Variants in ZNF805 observed in about 807,000 individuals in gnomAD.
ZNF805 encodes the protein zinc finger protein 805.
ZNF805 carries 7 observed loss-of-function variants against 13.6 expected under a neutral mutation model. The observed-to-expected ratio is 0.51, with a 90% CI of 0.29 to 0.97. The LOEUF is 0.97. ZNF805 is among the 50% of genes least tolerant of loss of function. The pLI, the probability that ZNF805 is intolerant of heterozygous loss-of-function variation, is 0.08. For synonymous variants in ZNF805, 293 were observed against 279.8 expected (o/e 1.05, Z -0.47); for missense variants, 604 against 771.0 (o/e 0.78, Z 2.57).
chr19:57,244,743 G>A (rs2087601876), intron 2 of ZNF805, among the ~76,000 whole-genome samples: 1 of 152,184 alleles, frequency 6.6e-6, no homozygotes, highest in African/African-American at 2.4e-5. Flanking sequence ...TGTCTACTCT[G>A]TATGGTTTTT....
At chr19:57,244,808 A>AC (rs2087602392) in intron 2 of ZNF805, among the ~76,000 whole-genome samples, 1 of 151,698 alleles carries the variant, frequency 6.6e-6, no homozygotes, top group African/African-American at 2.4e-5. Flanking sequence ...ACTGTTTGTG[A>AC]CCCCTCCTTC....
chr19:57,246,790 A>G (rs532160999), intron 2 of ZNF805, among the ~76,000 whole-genome samples: 104 of 152,060 alleles, frequency 6.8e-4, no homozygotes, highest in African/African-American at 2.1e-3. Flanking sequence ...AAAAAAAAAA[A>G]AAAGAAAAGC....
chr19:57,241,180 A>T (rs1474210324), intron 1 of ZNF805, among the ~76,000 whole-genome samples: 1 of 152,000 alleles, frequency 6.6e-6, no homozygotes, highest in East Asian at 1.9e-4. Context: ...TGCCCAGGAA[A>T]CCAGCCTCCT....
chr19:57,254,650 A>T lies in ZNF805; in HGVS notation c.1831A>T (p.Met611Leu), dbSNP rs1003179692. Residue 611 changes from methionine (M) to leucine (L), a missense_variant, in exon 4 of 4, where the codon ATG becomes TTG. Transcript: ENST00000414468. ...TCTTTTGCAAGAGGAAGCATCTTAC[A>T]TGGCATCTGATCGTACATACCAAAG... is the stretch of plus-strand genomic sequence containing the variant. The part of the protein sequence containing the change: ...ENLLQEEASY[M>L]ASDRTYQRET... 6.2e-7 allele frequency: 1 copy of T among 1,614,048 alleles called. No individual in the cohort carries two copies. The highest frequency in any genetic ancestry group is 1.3e-5 in the African/African-American group (1 of 74,934).
At chr19:57,245,648 G>A (rs545174439) in intron 2 of ZNF805, among the ~76,000 whole-genome samples, 36 of 149,948 alleles carry the variant, frequency 2.4e-4, no homozygotes, top group East Asian at 6.0e-4. Context: ...GCGTGGTGGC[G>A]GGTGCCTGTA....
Position 57,258,590 on chromosome 19 carries a change from A to G in ZNF805, c.*3887A>G, listed in dbSNP as rs183272654. 5.8e-4 allele frequency among the ~76,000 whole-genome samples: 88 copies of G among 151,626 alleles called. No individual in the cohort carries two copies. Among genetic ancestry groups the G allele is most frequent in the Non-Finnish European group, 1.1e-3 (74 of 67,872 alleles). ...ATGTAACATAATTACAGTTAATGGTATGAAAAATTTAGCACTTTGATGTAT... is the reference window on the plus strand; with the variant it reads ...ATGTAACATAATTACAGTTAATGGTGTGAAAAATTTAGCACTTTGATGTAT... On this transcript the variant is annotated 3_prime_UTR_variant, in exon 4 of 4. Coordinates refer to ENST00000414468, the MANE Select transcript of ZNF805 (RefSeq NM_001023563.4).
At chr19:57,242,943 T>A (rs1224876409) in intron 1 of ZNF805, among the ~76,000 whole-genome samples, 2 of 152,202 alleles carry the variant, frequency 1.3e-5, no homozygotes, top group Non-Finnish European at 2.9e-5. Context: ...AAACTCTGGC[T>A]GAACTTGGTG....
chr19:57,249,510 TAGTA>T (rs1182830499), intron 3 of ZNF805, among the ~76,000 whole-genome samples: 5 of 152,378 alleles, frequency 3.3e-5, no homozygotes, highest in African/African-American at 1.2e-4. Context: ...TTCTGAGCCA[TAGTA>T]AGTGACTTAT....
intron 2 of ZNF805, among the ~76,000 whole-genome samples, chr19:57,248,101 C>T (rs976291755): frequency 2.5e-4 from 38 of 152,054 alleles, no homozygotes; most frequent in African/African-American, 8.2e-4. Context: ...CCCAGCTACT[C>T]AGGAGGCTGA....
intron 1 of ZNF805, among the ~76,000 whole-genome samples, chr19:57,243,363 C>G (rs112687674): frequency 2.0e-5 from 3 of 152,224 alleles, no homozygotes; most frequent in African/African-American, 7.2e-5. Flanking sequence ...ATCCCAAAGT[C>G]CAGTAAGCTC....
In ZNF805 at chr19:57,240,723, G is replaced by C; in HGVS notation, c.-169G>C. 1 of 588,452 alleles carries C rather than the reference G, an allele frequency of 1.7e-6. No homozygotes were observed. Among genetic ancestry groups the C allele is most frequent in the Non-Finnish European group, 2.9e-6 (1 of 346,534 alleles). 36.5% of individuals were successfully genotyped at this position (588,452 alleles called of 1,614,324 possible). On this transcript the variant is annotated 5_prime_UTR_variant, in exon 1 of 4. Coordinates refer to ENST00000414468, the MANE Select transcript of ZNF805 (RefSeq NM_001023563.4). ...GAAATGAGCAGGTAGGAGGCCGACA[G>C]CGACCTCCGCGTCTCGGAGCGAACC...
Position 57,259,742 on chromosome 19 carries a change from G to T in ZNF805, c.*5039G>T, listed in dbSNP as rs2087712621. Among the ~76,000 whole-genome samples the T allele has an allele frequency of 6.6e-6, 1 of 152,188 alleles. No individual in the cohort carries two copies. Among genetic ancestry groups the T allele is most frequent in the South Asian group, 2.1e-4 (1 of 4,834 alleles). ...AGGATGGTCTCGATTTCCTGATCTG[G>T]TGATCCACCTGCCTCGGCCTCCCGA... On this transcript the variant is annotated 3_prime_UTR_variant, in exon 4 of 4. Transcript: ENST00000414468.
Position 57,255,870 on chromosome 19 carries a change from T to C in ZNF805, c.*1167T>C, listed in dbSNP as rs972853349. 1.3e-5 allele frequency among the ~76,000 whole-genome samples: 2 copies of C among 152,120 alleles called. No individual in the cohort carries two copies. Among genetic ancestry groups the C allele is most frequent in the Admixed American group, 6.5e-5 (1 of 15,274 alleles). On this transcript the variant is annotated 3_prime_UTR_variant, in exon 4 of 4. Coordinates refer to ENST00000414468, the MANE Select transcript of ZNF805 (RefSeq NM_001023563.4). ...ACTAGGTAGGATTTCCAGTGTGATG[T>C]TGAATACGAATAGTGACAAGTTATC... is the stretch of plus-strand genomic sequence containing the variant.
intron 2 of ZNF805, among the ~76,000 whole-genome samples, chr19:57,246,075 T>TA (rs1163571983): frequency 6.6e-6 from 1 of 152,216 alleles, no homozygotes. Flanking sequence ...TGCTGAGACT[T>TA]AACGTCCTGC....
At chr19:57,247,941 T>C (rs892237959) in intron 2 of ZNF805, among the ~76,000 whole-genome samples, 2 of 152,246 alleles carry the variant, frequency 1.3e-5, no homozygotes, top group Non-Finnish European at 2.9e-5. Flanking sequence ...GCATGGTGGC[T>C]CACGCCTGTA....
intron 2 of ZNF805, among the ~76,000 whole-genome samples, chr19:57,244,855 G>C (rs2122828320): frequency 6.6e-6 from 1 of 152,268 alleles, no homozygotes; most frequent in East Asian, 1.9e-4. Flanking sequence ...TGGCCTCTGT[G>C]GGGCGTGTTT....
Position 57,240,924 on chromosome 19 carries a change from G to C in ZNF805, c.30+3G>C. On this transcript the variant is annotated splice_donor_region_variant and intron_variant, in intron 1 of 3. Transcript: ENST00000414468. ...TGGCTTTGACGGACCCGGCGCAGGT[G>C]AGTGGACAAGGTTTCGGCCTTGCTG... 6.4e-7 allele frequency: 1 copy of C among 1,559,920 alleles called. No individual in the cohort carries two copies. The highest frequency in any genetic ancestry group is 1.2e-5 in the South Asian group (1 of 84,498).
rs1429605368 is a variant in ZNF805, at chr19:57,254,388, C to T, written c.1569C>T (p.Ser523=). ...AGTGTGGGAAAACATTTTGCTGGAGCACAAACCTCATTCGACACTCTATCA... is the reference window on the plus strand; with the variant it reads ...AGTGTGGGAAAACATTTTGCTGGAGTACAAACCTCATTCGACACTCTATCA... The part of the protein sequence containing the change: ...CIECGKTFCW[S]TNLIRHSIIH... The change falls in exon 4 of 4, where the codon AGC becomes AGT. Residue 523 remains serine, a synonymous_variant. Coordinates refer to ENST00000414468, the MANE Select transcript of ZNF805 (RefSeq NM_001023563.4). The T allele has an allele frequency of 6.2e-7, 1 of 1,613,890 alleles. No individual in the cohort carries two copies. The highest frequency in any genetic ancestry group is 8.5e-7 in the Non-Finnish European group (1 of 1,179,964).
intron 3 of ZNF805, among the ~76,000 whole-genome samples, chr19:57,250,291 G>A (rs2122837770): frequency 6.6e-6 from 1 of 152,286 alleles, no homozygotes; most frequent in African/African-American, 2.4e-5. Context: ...GGAGTGCAAT[G>A]GCGCGATCTC....
Sources: allele counts gnomAD v4.1 joint callset (sites outside exome capture counted in the v4.1 genomes callset), GRCh38; gene constraint gnomAD v4.1.1; transcripts MANE v1.5; gene names NCBI Gene and HGNC (gene_info 2026-07-23, HGNC 2026-07-21).